Variants in ABL2 observed in about 807,000 individuals in gnomAD.
ABL2 encodes ABL proto-oncogene 2, non-receptor tyrosine kinase.
Under a neutral mutation model 107.7 loss-of-function variants are expected in ABL2, and 49 were observed. That is an observed-to-expected ratio of 0.45 (90% confidence interval 0.36 to 0.58). The LOEUF is 0.58. ABL2 is among the 20% of genes least tolerant of loss of function. The pLI is 0.00. For synonymous variants in ABL2, 549 were observed against 548.6 expected (o/e 1.00, Z -0.01); for missense variants, 1,245 against 1,457.0 (o/e 0.85, Z 2.37).
intron 1 of ABL2, among the ~76,000 whole-genome samples, chr1:179,224,410 G>A (rs961784461): frequency 6.6e-6 from 1 of 151,682 alleles, no homozygotes; most frequent in Non-Finnish European, 1.5e-5. Context: ...GGGACTATAG[G>A]TGCCCGCCAC....
intron 1 of ABL2, among the ~76,000 whole-genome samples, chr1:179,145,720 G>A (rs1207222345): frequency 6.6e-6 from 1 of 152,134 alleles, no homozygotes; most frequent in Admixed American, 6.5e-5. Context: ...AACCTGGTAT[G>A]TACAGGAAAT....
intron 1 of ABL2, among the ~76,000 whole-genome samples, chr1:179,152,249 T>C (rs901060088): frequency 2.0e-5 from 3 of 152,212 alleles, no homozygotes; most frequent in Non-Finnish European, 4.4e-5. Context: ...CTTGGAGTCT[T>C]GATTCAGCTA....
At position 179,103,784 on chromosome 1, in the gene ABL2, G is replaced by A. The variant is rs1572590977; in HGVS notation, c.*3934C>T. ...CACATGGCAGCAGGTATGGTGGAAAGACCCCACAACCATAAAGTCAAGAGA... is the reference window on the plus strand; with the variant it reads ...CACATGGCAGCAGGTATGGTGGAAAAACCCCACAACCATAAAGTCAAGAGA... On this transcript the variant is annotated 3_prime_UTR_variant, in exon 12 of 12. Transcript: ENST00000502732. The A allele has an allele frequency of 1.7e-5, 4 of 229,914 alleles. No homozygotes were observed. In the South Asian group the frequency reaches 7.3e-4, roughly 42 times the overall value. The allele number at this position is 229,914 out of a possible 1,614,324, so 14.2% of individuals were successfully genotyped here.
chr1:179,155,539 G>A (rs1193966818), intron 1 of ABL2, among the ~76,000 whole-genome samples: 1 of 152,028 alleles, frequency 6.6e-6, no homozygotes, highest in Non-Finnish European at 1.5e-5. Context: ...AGACCAGCAT[G>A]GCCAACATGG....
intron 1 of ABL2, chr1:179,220,890 G>A: frequency 6.0e-6 from 1 of 167,300 alleles, no homozygotes; most frequent in South Asian, 1.7e-4. Context: ...CTCTCACATG[G>A]GGTCTCCTGC....
chr1:179,220,165 G>A (rs967506192), intron 1 of ABL2, among the ~76,000 whole-genome samples: 1 of 152,188 alleles, frequency 6.6e-6, no homozygotes, highest in Non-Finnish European at 1.5e-5. Context: ...TAACAGCTAT[G>A]TAACCTCAAG....
At chr1:179,120,148 G>A (rs1330193803) in intron 6 of ABL2, 42 bp downstream of exon 6, 6 of 1,360,142 alleles carry the variant, frequency 4.4e-6, no homozygotes, top group Non-Finnish European at 6.1e-6. Flanking sequence ...TAAAGGGCAA[G>A]CATTTTTGGA....
intron 1 of ABL2, among the ~76,000 whole-genome samples, chr1:179,206,000 A>C (rs763814775): frequency 1.7e-4 from 26 of 152,202 alleles, no homozygotes; most frequent in Non-Finnish European, 3.2e-4. Flanking sequence ...GATAGGTATC[A>C]TTATCATCTC....
intron 1 of ABL2, among the ~76,000 whole-genome samples, chr1:179,143,506 A>T (rs1265432519): frequency 2.0e-5 from 3 of 152,232 alleles, no homozygotes; most frequent in Non-Finnish European, 4.4e-5. Context: ...CTTTTACATC[A>T]CTTAAATAGT....
At chr1:179,129,119 T>C (rs1272967885) in intron 3 of ABL2, among the ~76,000 whole-genome samples, 2 of 152,220 alleles carry the variant, frequency 1.3e-5, no homozygotes, top group African/African-American at 4.8e-5. Flanking sequence ...TCATTTTAAA[T>C]TAGTGAGAAC....
intron 1 of ABL2, among the ~76,000 whole-genome samples, chr1:179,188,544 T>C (rs1365676591): frequency 6.6e-6 from 1 of 152,068 alleles, no homozygotes; most frequent in South Asian, 2.1e-4. Context: ...AAGACTCTTG[T>C]CTCAAAAAAA....
intron 1 of ABL2, among the ~76,000 whole-genome samples, chr1:179,186,663 G>T (rs1319514420): frequency 1.3e-5 from 2 of 151,810 alleles, no homozygotes; most frequent in Non-Finnish European, 2.9e-5. Flanking sequence ...ACTGGATCCA[G>T]CAAATATTTA....
At chr1:179,207,156 ATTCTTTTCT>A (rs1225616036) in intron 1 of ABL2, among the ~76,000 whole-genome samples, 1 of 148,376 alleles carries the variant, frequency 6.7e-6, no homozygotes, top group African/African-American at 2.5e-5. Context: ...CTGATTCTCC[ATTCTTTTCT>A]TTCTTTTTTT....
chr1:179,160,070 C>T (rs941008191), intron 1 of ABL2, among the ~76,000 whole-genome samples: 1 of 152,024 alleles, frequency 6.6e-6, no homozygotes, highest in African/African-American at 2.4e-5. Context: ...GCCAAGATGG[C>T]GCCACTGCAC....
intron 1 of ABL2, among the ~76,000 whole-genome samples, chr1:179,164,315 T>A (rs111530997): frequency 6.6e-6 from 1 of 152,318 alleles, no homozygotes; most frequent in African/African-American, 2.4e-5. Context: ...ATAGTTATTA[T>A]TGAATAACTA....
chr1:179,131,644 T>C (rs1365821726), intron 2 of ABL2, among the ~76,000 whole-genome samples, 163 bp from the exon 3 acceptor site: 1 of 152,216 alleles, frequency 6.6e-6, no homozygotes, highest in East Asian at 1.9e-4. Flanking sequence ...CTGTGTCTCC[T>C]AAGCATGAGG....
chr1:179,189,616 G>C (rs1306444170), intron 1 of ABL2, among the ~76,000 whole-genome samples: 1 of 152,090 alleles, frequency 6.6e-6, no homozygotes, highest in Admixed American at 6.5e-5. Flanking sequence ...GCTACCAAAC[G>C]GTAAGAGGAG....
intron 1 of ABL2, among the ~76,000 whole-genome samples, chr1:179,154,952 T>C (rs553177952): frequency 3.3e-5 from 5 of 152,346 alleles, no homozygotes; most frequent in African/African-American, 1.2e-4. Context: ...ACTTCTGATA[T>C]ACTGTAATTT....
intron 1 of ABL2, among the ~76,000 whole-genome samples, chr1:179,228,050 C>CAAAAA (rs34070201): frequency 1.6e-5 from 1 of 63,388 alleles, no homozygotes; most frequent in Non-Finnish European, 2.8e-5. Context: ...ACTCCGTCTC[C>CAAAAA]AAAAAAAAAA....
Sources: allele counts gnomAD v4.1 joint callset (sites outside exome capture counted in the v4.1 genomes callset), GRCh38; gene constraint gnomAD v4.1.1; transcripts MANE v1.5; gene names NCBI Gene and HGNC (gene_info 2026-07-23, HGNC 2026-07-21).